PBX1: variants seen among roughly 807,000 people sequenced by gnomAD.
PBX1 encodes PBX homeobox 1, also known as pre-B-cell leukemia transcription factor 1.
PBX1 carries 6 observed loss-of-function variants against 53.4 expected under a neutral mutation model. The ratio of observed to expected loss-of-function variants is 0.11; its 90% CI spans 0.06 to 0.22. The LOEUF (loss-of-function observed/expected upper bound fraction) is 0.22, where lower values mean the gene tolerates loss of function less well. Among genes scored for constraint, PBX1 ranks in the 10% least tolerant of loss-of-function variants. The pLI, the probability that PBX1 is intolerant of heterozygous loss-of-function variation, is 1.00. For synonymous variants in PBX1, 204 were observed against 212.3 expected (o/e 0.96, Z 0.34); for missense variants, 251 against 551.4 (o/e 0.46, Z 5.46).
intron 8 of PBX1, among the ~76,000 whole-genome samples, chr1:164,825,289 C>T (rs149697549): frequency 6.8e-4 from 103 of 152,310 alleles, no homozygotes; most frequent in African/African-American, 2.2e-3. Context: ...CTTAGTCCTT[C>T]TCCCCCTCTT....
chr1:164,861,956 A>G (rs1672108400), intron 2 of PBX1, among the ~76,000 whole-genome samples: 1 of 152,130 alleles, frequency 6.6e-6, no homozygotes, highest in South Asian at 2.1e-4. Context: ...GGTGAAAGGG[A>G]GGGGCAGATT....
At chr1:164,578,561 T>C (rs1256999276) in intron 2 of PBX1, among the ~76,000 whole-genome samples, 2 of 152,084 alleles carry the variant, frequency 1.3e-5, no homozygotes, top group Non-Finnish European at 2.9e-5. Flanking sequence ...AATACAGATA[T>C]GTGTGAGTTG....
At chr1:164,638,165 G>A (rs1317086124) in intron 2 of PBX1, among the ~76,000 whole-genome samples, 2 of 152,208 alleles carry the variant, frequency 1.3e-5, no homozygotes. Context: ...GCCAAGCAGC[G>A]GAGAATGGAC....
At chr1:164,658,869 T>C (rs185331422) in intron 2 of PBX1, among the ~76,000 whole-genome samples, 2 of 152,216 alleles carry the variant, frequency 1.3e-5, no homozygotes, top group Admixed American at 1.3e-4. Context: ...ATTATCCCCA[T>C]TTTATAGCTG....
chr1:164,821,962 C>T (rs1011270195), intron 8 of PBX1, among the ~76,000 whole-genome samples: 18 of 152,088 alleles, frequency 1.2e-4, no homozygotes, highest in African/African-American at 3.9e-4. Context: ...CAAGCTGGGG[C>T]CTGGGAACCT....
Position 164,760,834 on chromosome 1 carries a change from G to A in PBX1, c.266-31660G>A, listed in dbSNP as rs74121215. ...TGGAATAACACAATAAAGCTTGATG[G>A]GTAAGAATTTCTCAAACTGCCTCTT... On this transcript the variant is annotated intron_variant, in intron 2 of 8. Transcript: ENST00000420696. 5.2e-3 allele frequency among the ~76,000 whole-genome samples: 785 copies of A among 152,238 alleles called. 8 individuals carry two copies. The highest frequency in any genetic ancestry group is 0.018 in the African/African-American group (742 of 41,534).
At chr1:164,622,125 C>T (rs374714403) in intron 2 of PBX1, among the ~76,000 whole-genome samples, 1 of 152,144 alleles carries the variant, frequency 6.6e-6, no homozygotes, top group East Asian at 1.9e-4. Flanking sequence ...ACTCTTCTTT[C>T]CGTGTGGGCC....
intron 2 of PBX1, among the ~76,000 whole-genome samples, chr1:164,708,387 A>AG (rs1246717372): frequency 1.3e-5 from 2 of 151,256 alleles, no homozygotes; most frequent in East Asian, 3.9e-4. Context: ...TTTTTTTAAA[A>AG]AAAATATTTT....
At chr1:164,671,045 T>C (rs1326177210) in intron 2 of PBX1, among the ~76,000 whole-genome samples, 2 of 152,184 alleles carry the variant, frequency 1.3e-5, no homozygotes, top group Non-Finnish European at 2.9e-5. Context: ...GATGTGGTGC[T>C]CCTTATGGGA....
intron 2 of PBX1, among the ~76,000 whole-genome samples, chr1:164,583,233 G>C (rs558761701): frequency 1.6e-4 from 24 of 151,848 alleles, no homozygotes; most frequent in African/African-American, 5.6e-4. Context: ...ATTACAGCCA[G>C]CTTCACCTTT....
chr1:164,884,146 G>A (rs1395375471), intron 2 of PBX1, among the ~76,000 whole-genome samples: 5 of 152,146 alleles, frequency 3.3e-5, no homozygotes, highest in South Asian at 2.1e-4. Context: ...TAACTATTTC[G>A]TAGAGTTGCT....
chr1:164,663,537 G>A (rs771371828), intron 2 of PBX1, among the ~76,000 whole-genome samples: 33 of 152,164 alleles, frequency 2.2e-4, no homozygotes, highest in Non-Finnish European at 4.4e-4. Context: ...TGAACGTAAA[G>A]ATACTTATCA....
At chr1:164,652,054 G>A (rs1197413042) in intron 2 of PBX1, 1 of 151,798 alleles carries the variant, frequency 6.6e-6, no homozygotes, top group Non-Finnish European at 1.5e-5. Flanking sequence ...ATGGTAGAAA[G>A]AGGAAATCAT....
intron 2 of PBX1, among the ~76,000 whole-genome samples, chr1:164,637,292 G>A (rs1278998803): frequency 1.3e-5 from 2 of 152,182 alleles, no homozygotes; most frequent in Admixed American, 6.5e-5. Flanking sequence ...TCTATATAGT[G>A]CCTCCTAAAG....
In PBX1 at chr1:164,758,713, T is replaced by C. The variant is rs201610954; in HGVS notation, c.266-33781T>C. ...AGAGTTAGATCACTTTTTTTTTTTT[T>C]CCTCATGCTCCTTTCATGCTCCTTC... On this transcript the variant is annotated intron_variant, in intron 2 of 8. Coordinates refer to ENST00000420696, the MANE Select transcript of PBX1 (RefSeq NM_002585.4). Among the ~76,000 whole-genome samples, 48 of 152,148 alleles carry C rather than the reference T, an allele frequency of 3.2e-4. No individual in the cohort carries two copies. The East Asian group carries it at 7.9e-3, about 25-fold the overall frequency.
intron 2 of PBX1, among the ~76,000 whole-genome samples, chr1:164,671,522 C>T (rs1351029176): frequency 6.6e-6 from 1 of 152,136 alleles, no homozygotes; most frequent in East Asian, 1.9e-4. Context: ...TTCATTCTTG[C>T]CCTTTCCCTT....
chr1:164,719,342 G>A (rs1470106262), intron 2 of PBX1, among the ~76,000 whole-genome samples: 3 of 152,212 alleles, frequency 2.0e-5, no homozygotes, highest in Non-Finnish European at 4.4e-5. Context: ...ATTGTGGAAT[G>A]TGAACCATGA....
chr1:164,577,190 G>A (rs575607645), intron 2 of PBX1, among the ~76,000 whole-genome samples: 6 of 152,308 alleles, frequency 3.9e-5, no homozygotes, highest in African/African-American at 1.4e-4. Flanking sequence ...AGCTCTTACA[G>A]GGAGTGCGTC....
chr1:164,654,338 A>AG (rs1660019567), intron 2 of PBX1, among the ~76,000 whole-genome samples: 1 of 152,176 alleles, frequency 6.6e-6, no homozygotes, highest in African/African-American at 2.4e-5. Context: ...AACAGAAAAG[A>AG]GGCCCAGTCT....
Sources: gnomAD v4.1 joint callset for allele counts (sites outside exome capture counted in the v4.1 genomes callset) on GRCh38, gnomAD v4.1.1 for gene constraint, MANE v1.5 for transcripts, NCBI Gene and HGNC (gene_info 2026-07-23, HGNC 2026-07-21) for gene names.